NTM: variants seen among roughly 807,000 people sequenced by gnomAD.
NTM encodes neurotrimin.
A neutral mutation model predicts 42.1 loss-of-function variants in NTM; 13 were observed. That is an observed-to-expected ratio of 0.31 (90% CI 0.20 to 0.49). The LOEUF (loss-of-function observed/expected upper bound fraction) is 0.49. Among genes scored for constraint, NTM ranks in the 20% least tolerant of loss-of-function variants. The pLI is 0.99. For synonymous variants in NTM, 187 were observed against 179.2 expected, an observed-to-expected ratio of 1.04 and a Z score of -0.35; for missense variants, 373 against 452.8, an observed-to-expected ratio of 0.82 and a Z score of 1.60.
rs539103401 is a variant in NTM, at chr11:131,728,356, A to G, written c.83-183208A>G. Among the ~76,000 whole-genome samples, 7 of 152,346 alleles carry G rather than the reference A, an allele frequency of 4.6e-5. No homozygotes were observed. The East Asian group carries it at 1.2e-3, about 25-fold the overall frequency. The stretch of plus-strand genomic sequence containing the variant: ...TTTGATTGTTTTGCTACTATGGCTC[A>G]CAGAACTCAATGAAACATTTACTTG... On this transcript the variant is annotated intron_variant, in intron 1 of 8. Transcript: ENST00000683400.
At chr11:131,475,073 C>T (rs1952791238) in intron 1 of NTM, among the ~76,000 whole-genome samples, 1 of 152,182 alleles carries the variant, frequency 6.6e-6, no homozygotes, top group Non-Finnish European at 1.5e-5. Flanking sequence ...GTTCCTTCTG[C>T]CTGAAACATC....
At chr11:132,112,131 C>T (rs983165282) in intron 2 of NTM, among the ~76,000 whole-genome samples, 1 of 152,182 alleles carries the variant, frequency 6.6e-6, no homozygotes, top group African/African-American at 2.4e-5. Flanking sequence ...AATGCATAGC[C>T]TTCTTTATGT....
intron 2 of NTM, among the ~76,000 whole-genome samples, chr11:132,072,247 C>T (rs1415773650): frequency 6.6e-6 from 1 of 152,140 alleles, no homozygotes; most frequent in Non-Finnish European, 1.5e-5. Context: ...AACATCATTG[C>T]CTTTTGAATA....
chr11:132,095,001 C>T (rs2060788485), intron 2 of NTM, among the ~76,000 whole-genome samples: 1 of 152,186 alleles, frequency 6.6e-6, no homozygotes, highest in Non-Finnish European at 1.5e-5. Context: ...TCCATCATTG[C>T]AGGGAGAGGA....
intron 3 of NTM, among the ~76,000 whole-genome samples, chr11:132,174,634 T>C (rs2076538166): frequency 6.6e-6 from 1 of 152,172 alleles, no homozygotes; most frequent in African/African-American, 2.4e-5. Context: ...CTGCTTTCTC[T>C]GAGTGGTGTG....
intron 4 of NTM, among the ~76,000 whole-genome samples, chr11:132,237,087 A>C (rs2089138185): frequency 6.6e-6 from 1 of 152,208 alleles, no homozygotes; most frequent in Non-Finnish European, 1.5e-5. Flanking sequence ...TCCACCCCGG[A>C]TTCATGAGCA....
chr11:131,552,669 T>G (rs1173566926), intron 1 of NTM, among the ~76,000 whole-genome samples: 1 of 151,582 alleles, frequency 6.6e-6, no homozygotes, highest in Non-Finnish European at 1.5e-5. Context: ...ATACAAAAAA[T>G]TAGCCGGGCA....
chr11:131,708,215 T>G (rs2135261576), intron 1 of NTM, among the ~76,000 whole-genome samples: 1 of 152,250 alleles, frequency 6.6e-6, no homozygotes, highest in South Asian at 2.1e-4. Flanking sequence ...TATAAAGAAC[T>G]TCCTAATAAG....
intron 1 of NTM, among the ~76,000 whole-genome samples, chr11:131,824,459 G>T (rs1056241508): frequency 1.3e-5 from 2 of 152,166 alleles, no homozygotes; most frequent in African/African-American, 4.8e-5. Flanking sequence ...GATAATAAAA[G>T]GTAATGCGGC....
intron 1 of NTM, among the ~76,000 whole-genome samples, chr11:131,519,056 T>C (rs535728678): frequency 6.6e-6 from 1 of 152,330 alleles, no homozygotes; most frequent in Non-Finnish European, 1.5e-5. Context: ...TTTTACCTGG[T>C]GATGTCTTGA....
chr11:132,072,261 T>A (rs540891012), intron 2 of NTM, among the ~76,000 whole-genome samples: 1 of 152,196 alleles, frequency 6.6e-6, no homozygotes, highest in Non-Finnish European at 1.5e-5. Flanking sequence ...TTGAATACCA[T>A]GTCTTGTAAA....
chr11:131,699,046 T>C (rs2075790141), intron 1 of NTM, among the ~76,000 whole-genome samples: 1 of 152,246 alleles, frequency 6.6e-6, no homozygotes, highest in Admixed American at 6.5e-5. Flanking sequence ...GAATATGTGA[T>C]TGTCAAAATT....
At chr11:131,542,608 T>G (rs182549752) in intron 1 of NTM, among the ~76,000 whole-genome samples, 2 of 152,280 alleles carry the variant, frequency 1.3e-5, no homozygotes, top group Admixed American at 1.3e-4. Flanking sequence ...CTGACCCAAA[T>G]GTACCCCCTA....
At chr11:131,547,309 T>C (rs2054070175) in intron 1 of NTM, among the ~76,000 whole-genome samples, 1 of 152,032 alleles carries the variant, frequency 6.6e-6, no homozygotes, top group Non-Finnish European at 1.5e-5. Flanking sequence ...TCAAACAAAG[T>C]AACATTTAAC....
At chr11:131,955,869 G>A (rs1452696698) in intron 2 of NTM, among the ~76,000 whole-genome samples, 1 of 152,190 alleles carries the variant, frequency 6.6e-6, no homozygotes, top group Non-Finnish European at 1.5e-5. Context: ...AAAATGACCA[G>A]GGGGCACTCT....
At chr11:131,743,164 G>T (rs986142872) in intron 1 of NTM, among the ~76,000 whole-genome samples, 9 of 151,638 alleles carry the variant, frequency 5.9e-5, no homozygotes, top group African/African-American at 1.9e-4. Flanking sequence ...TGAACACAAA[G>T]ACTTAACAAG....
At position 132,229,377 on chromosome 11, in the gene NTM, G is replaced by A. The variant is rs187336183; in HGVS notation, c.526+17230G>A. Among the ~76,000 whole-genome samples the A allele has an allele frequency of 1.5e-3, 221 of 152,248 alleles. 1 individual carries two copies. Among genetic ancestry groups the A allele is most frequent in the African/African-American group, 5.2e-3 (217 of 41,558 alleles). ...AACCTGGTTCCAGAGGTTTCACTCCGAACTCATTACCTATTCTGTTTCAAT... is the reference window on the plus strand; with the variant it reads ...AACCTGGTTCCAGAGGTTTCACTCCAAACTCATTACCTATTCTGTTTCAAT... On this transcript the variant is annotated intron_variant, in intron 4 of 8. Coordinates refer to ENST00000683400, the MANE Select transcript of NTM (RefSeq NM_001352005.2).
intron 4 of NTM, among the ~76,000 whole-genome samples, chr11:132,237,754 G>A (rs527777477): frequency 2.8e-4 from 43 of 152,208 alleles, no homozygotes; most frequent in African/African-American, 1.0e-3. Context: ...TCGTCTCTCC[G>A]TAGCCAGAGG....
intron 1 of NTM, among the ~76,000 whole-genome samples, chr11:131,499,301 C>T (rs1447105328): frequency 3.3e-5 from 5 of 152,152 alleles, no homozygotes; most frequent in Non-Finnish European, 7.3e-5. Flanking sequence ...CTCATTGGCT[C>T]AGAGCCTCGG....
Sources: allele counts gnomAD v4.1 joint callset (sites outside exome capture counted in the v4.1 genomes callset), GRCh38; gene constraint gnomAD v4.1.1; transcripts MANE v1.5; gene names NCBI Gene and HGNC (gene_info 2026-07-23, HGNC 2026-07-21).